EIF3L: variants seen among roughly 807,000 people sequenced by gnomAD.
EIF3L encodes the protein eIEF associated protein HSPC021.
EIF3L carries 32 observed loss-of-function variants against 74.6 expected under a neutral mutation model. The observed-to-expected ratio is 0.43, with a 90% CI of 0.32 to 0.58. The LOEUF (loss-of-function observed/expected upper bound fraction) is 0.58. Ranked by LOEUF, EIF3L falls within the 20% of genes least tolerant of loss-of-function variation. EIF3L has a pLI of 0.06. For synonymous variants in EIF3L, 256 were observed against 254.4 expected (o/e 1.01, Z -0.06); for missense variants, 474 against 707.8 (o/e 0.67, Z 3.75).
rs35994639 is a variant in EIF3L, at chr22:37,874,895, ATTTTTTTTT to A, written c.906+385_906+393del. 1.1e-4 allele frequency among the ~76,000 whole-genome samples: 12 copies of A among 113,490 alleles called. No homozygotes were observed. The Admixed American group carries it at 1.1e-3, about 10-fold the overall frequency. 74.5% of individuals were successfully genotyped at this position (113,490 alleles called of 152,430 possible). ...AGGCATGCGCCACCATGCCCAGCTA[ATTTTTTTTT>A]TTTTTTTTTTTTTGTATTTTAGTAG... On this transcript the variant is annotated intron_variant, in intron 9 of 12. Coordinates refer to ENST00000652021, the MANE Select transcript of EIF3L (RefSeq NM_016091.4).
In EIF3L at chr22:37,855,586, A is replaced by G. The variant is rs551461484; in HGVS notation, c.315A>G (p.Arg105=). The part of the protein sequence containing the change: ...YENSWTKLTE[R]FFKNTPWPEA... ...TTAGCTGGACCAAGCTGACTGAAAGATTCTTCAAGAATACACCTTGGCCCG... is the reference window on the plus strand; with the variant it reads ...TTAGCTGGACCAAGCTGACTGAAAGGTTCTTCAAGAATACACCTTGGCCCG... The change falls in exon 4 of 13, where the codon AGA becomes AGG. Residue 105 remains arginine, a synonymous_variant. Coordinates refer to ENST00000652021, the MANE Select transcript of EIF3L (RefSeq NM_016091.4). 1.2e-6 allele frequency: 2 copies of G among 1,614,186 alleles called. No individual in the cohort carries two copies. Among genetic ancestry groups the G allele is most frequent in the South Asian group, 2.2e-5 (2 of 91,084 alleles).
At position 37,855,608 on chromosome 22, in the gene EIF3L, C is replaced by A; in HGVS notation, c.337C>A (p.Pro113Thr). Residue 113 changes from proline (P) to threonine (T), a missense_variant, in exon 4 of 13, where the codon CCC becomes ACC. By Grantham distance (38) the Pro-to-Thr change is conservative. Transcript: ENST00000652021. ...AAGATTCTTCAAGAATACACCTTGG[C>A]CCGAGGCTGAAGCCATTGCTCCACA... ...TERFFKNTPW[P>T]EAEAIAPQVG... 6.2e-7 allele frequency: 1 copy of A among 1,614,090 alleles called. No homozygotes were observed. Among genetic ancestry groups the A allele is most frequent in the Non-Finnish European group, 8.5e-7 (1 of 1,179,992 alleles).
chr22:37,859,953 A>C (rs1601759778), intron 5 of EIF3L, among the ~76,000 whole-genome samples: 1 of 152,170 alleles, frequency 6.6e-6, no homozygotes, highest in East Asian at 2.0e-4. Context: ...CGGAGGTTGC[A>C]GTGAGCCGAG....
intron 3 of EIF3L, among the ~76,000 whole-genome samples, chr22:37,852,830 G>C (rs1182845142): frequency 6.7e-6 from 1 of 149,862 alleles, no homozygotes; most frequent in Non-Finnish European, 1.5e-5. Context: ...TGACCAAGAA[G>C]AATTGATCTG....
At chr22:37,863,164 C>G in intron 6 of EIF3L, 108 bp from the exon 7 acceptor site, 2 of 1,112,250 alleles carry the variant, frequency 1.8e-6, no homozygotes, top group East Asian at 2.4e-5. Flanking sequence ...GAGGGGAGGT[C>G]TTGTGATTCA....
At chr22:37,861,609 A>T (rs1569114024) in intron 5 of EIF3L, among the ~76,000 whole-genome samples, 1 of 152,000 alleles carries the variant, frequency 6.6e-6, no homozygotes, top group Non-Finnish European at 1.5e-5. Context: ...ACTTGACCCC[A>T]GGAGGCAGAG....
At chr22:37,876,254 C>A (rs796617444) in intron 10 of EIF3L, 28 of 411,876 alleles carry the variant, frequency 6.8e-5, no homozygotes, top group African/African-American at 5.5e-4. Flanking sequence ...CTTAGTCTTC[C>A]GAATAGCTGG....
intron 7 of EIF3L, among the ~76,000 whole-genome samples, chr22:37,868,168 G>T (rs1276447776): frequency 2.2e-5 from 3 of 138,206 alleles, no homozygotes; most frequent in African/African-American, 5.4e-5. Flanking sequence ...AGGCTGGAGT[G>T]CAGTGGCATG....
Position 37,888,476 on chromosome 22 carries a change from C to G in EIF3L, c.*12C>G, listed in dbSNP as rs199601771. 5 of 1,613,256 alleles carry G rather than the reference C, an allele frequency of 3.1e-6. No individual in the cohort carries two copies. In the Admixed American group the frequency reaches 5.0e-5, roughly 16 times the overall value. On this transcript the variant is annotated 3_prime_UTR_variant, in exon 13 of 13. Coordinates refer to ENST00000652021, the MANE Select transcript of EIF3L (RefSeq NM_016091.4). ...GACAGAGACCTTGATGATATTCACA[C>G]ACATTCAGGAACCTGTTTTGATGTA...
intron 7 of EIF3L, among the ~76,000 whole-genome samples, chr22:37,867,630 C>T (rs1926219692): frequency 6.8e-6 from 1 of 146,784 alleles, no homozygotes; most frequent in Admixed American, 6.9e-5. Flanking sequence ...GCACTCCACC[C>T]TGGGCAGTAG....
Position 37,874,537 on chromosome 22 carries a change from G to A in EIF3L, c.906+13G>A, listed in dbSNP as rs762571456. 2.5e-6 allele frequency: 4 copies of A among 1,609,672 alleles called. No individual in the cohort carries two copies. Among genetic ancestry groups the A allele is most frequent in the Non-Finnish European group, 2.5e-6 (3 of 1,176,934 alleles). ...ACTGAACAAGAAGGTGATGCCTATT[G>A]CCTCTGGCCCCTCTTGCCAGAGCCA... On this transcript the variant is annotated intron_variant, in intron 9 of 12. Coordinates refer to ENST00000652021, the MANE Select transcript of EIF3L (RefSeq NM_016091.4).
rs1926201306 is a variant in EIF3L, at chr22:37,867,308, C to T, written c.580-2868C>T. Among the ~76,000 whole-genome samples, 3 of 152,056 alleles carry T rather than the reference C, an allele frequency of 2.0e-5. No homozygotes were observed. The South Asian group carries it at 6.2e-4, about 32-fold the overall frequency. On this transcript the variant is annotated intron_variant, in intron 7 of 12. Coordinates refer to ENST00000652021, the MANE Select transcript of EIF3L (RefSeq NM_016091.4). ...CGTGAGCCACCATGCCTAGCCAAGA[C>T]CAACTGTTTTCTGTACTGGATATTA...
At chr22:37,855,522 C>T in intron 3 of EIF3L, 43 bp from the exon 4 acceptor site, 2 of 1,562,778 alleles carry the variant, frequency 1.3e-6, no homozygotes, top group African/African-American at 1.4e-5. Flanking sequence ...TTGGCATTCT[C>T]CAGTCCTTTT....
chr22:37,850,878 G>A (rs1925169188), intron 2 of EIF3L, among the ~76,000 whole-genome samples: 1 of 152,110 alleles, frequency 6.6e-6, no homozygotes, highest in African/African-American at 2.4e-5. Context: ...GTAGTAACTT[G>A]GCACAGTCAT....
Position 37,867,403 on chromosome 22 carries a change from A to C in EIF3L, c.580-2773A>C, listed in dbSNP as rs949438760. Among the ~76,000 whole-genome samples, 3 of 152,142 alleles carry C rather than the reference A, an allele frequency of 2.0e-5. 1 individual carries two copies. The highest frequency in any genetic ancestry group is 7.2e-5 in the African/African-American group (3 of 41,452). On this transcript the variant is annotated intron_variant, in intron 7 of 12. Coordinates refer to ENST00000652021, the MANE Select transcript of EIF3L (RefSeq NM_016091.4). ...GCCGGGCGCAGTGGCTCACGCCTGT[A>C]ATCTTAGCACTCTGGGAGGCCAAGG...
intron 12 of EIF3L, chr22:37,887,958 G>C (rs1927407141): frequency 6.4e-6 from 1 of 156,084 alleles, no homozygotes. Flanking sequence ...TAGGGCTACT[G>C]TGTCCTGGTG....
At chr22:37,849,979 T>G (rs1430632870) in intron 1 of EIF3L, 36 bp from the exon 2 acceptor site, 1 of 1,613,192 alleles carries the variant, frequency 6.2e-7, no homozygotes, top group Admixed American at 1.7e-5. Context: ...ATTCACGACT[T>G]GGCGGCTGTC....
chr22:37,872,527 G>T (rs1926529609), intron 8 of EIF3L, among the ~76,000 whole-genome samples: 2 of 152,130 alleles, frequency 1.3e-5, no homozygotes, highest in African/African-American at 4.8e-5. Context: ...TGTTACTTTT[G>T]CCACTGACAT....
intron 7 of EIF3L, among the ~76,000 whole-genome samples, chr22:37,867,058 T>C (rs1926189390): frequency 6.6e-6 from 1 of 152,170 alleles, no homozygotes; most frequent in Admixed American, 6.5e-5. Flanking sequence ...GTTTAAGAGA[T>C]GGGGGTCTTG....
Sources: allele counts gnomAD v4.1 joint callset (sites outside exome capture counted in the v4.1 genomes callset), GRCh38; gene constraint gnomAD v4.1.1; transcripts MANE v1.5; gene names NCBI Gene and HGNC (gene_info 2026-07-23, HGNC 2026-07-21).